Variants in XKR6 observed in about 807,000 individuals in gnomAD.
XKR6 encodes the protein XK related 6, also known as XK-related protein 6.
XKR6 carries 22 observed loss-of-function variants against 56.7 expected under a neutral mutation model. That is an observed-to-expected ratio of 0.39 (90% CI 0.28 to 0.55). XKR6 has a LOEUF of 0.55. Ranked by LOEUF, XKR6 falls within the 20% of genes least tolerant of loss-of-function variation. The probability of loss-of-function intolerance (pLI) is 0.66; values close to 1 mark genes in which losing one functional copy is unlikely to be tolerated. For synonymous variants in XKR6, 524 were observed against 387.8 expected (o/e 1.35, Z -4.13); for missense variants, 852 against 889.0 (o/e 0.96, Z 0.53).
At chr8:11,131,911 C>T (rs1800122042) in intron 1 of XKR6, among the ~76,000 whole-genome samples, 1 of 152,126 alleles carries the variant, frequency 6.6e-6, no homozygotes, top group African/African-American at 2.4e-5. Context: ...TTGTGTATGT[C>T]AGTCCATGAT....
intron 1 of XKR6, among the ~76,000 whole-genome samples, chr8:11,162,630 A>C (rs186314657): frequency 6.6e-6 from 1 of 152,364 alleles, no homozygotes; most frequent in East Asian, 1.9e-4. Flanking sequence ...ACAAAGGAGA[A>C]ACTTCACTAG....
intron 1 of XKR6, among the ~76,000 whole-genome samples, chr8:11,070,127 G>A (rs1033258513): frequency 2.2e-4 from 34 of 152,322 alleles, no homozygotes; most frequent in Middle Eastern, 3.4e-3. Context: ...AGATGTGTGA[G>A]AAATACAAAG....
intron 1 of XKR6, among the ~76,000 whole-genome samples, chr8:11,055,547 C>T (rs1037871864): frequency 3.3e-5 from 5 of 152,178 alleles, no homozygotes; most frequent in African/African-American, 1.2e-4. Flanking sequence ...CATGGGGTTC[C>T]GCCCGCCCCG....
chr8:11,114,726 T>C (rs1001568719), intron 1 of XKR6, among the ~76,000 whole-genome samples: 13 of 73,876 alleles, frequency 1.8e-4, no homozygotes, highest in Non-Finnish European at 2.1e-4. Flanking sequence ...TTAGATCACA[T>C]ATGTGTGTGT....
intron 1 of XKR6, among the ~76,000 whole-genome samples, chr8:11,019,145 G>C (rs866523842): frequency 1.3e-5 from 2 of 152,300 alleles, no homozygotes; most frequent in South Asian, 4.1e-4. Context: ...CCATGGCCTG[G>C]GGCCCGTAAA....
At chr8:11,102,742 G>A (rs961826691) in intron 1 of XKR6, among the ~76,000 whole-genome samples, 11 of 152,134 alleles carry the variant, frequency 7.2e-5, no homozygotes, top group African/African-American at 2.4e-4. Context: ...AGCTGACATG[G>A]GAAGAGTTAA....
intron 1 of XKR6, among the ~76,000 whole-genome samples, chr8:10,931,853 T>A (rs1177395358): frequency 6.6e-6 from 1 of 151,756 alleles, no homozygotes; most frequent in African/African-American, 2.4e-5. Context: ...ATAAACTTTA[T>A]CAAAATTAAA....
chr8:11,099,658 C>A (rs371415971), intron 1 of XKR6, among the ~76,000 whole-genome samples: 3 of 152,244 alleles, frequency 2.0e-5, no homozygotes, highest in African/African-American at 7.2e-5. Context: ...TTCACTCGCT[C>A]AAATATTATA....
chr8:11,002,411 G>C (rs1256171503), intron 1 of XKR6: 7 of 399,768 alleles, frequency 1.8e-5, no homozygotes, highest in Non-Finnish European at 3.2e-5. Flanking sequence ...TGGCCTGGGG[G>C]AGGCCCGCGT....
chr8:11,004,510 C>G (rs1301229713), intron 1 of XKR6, among the ~76,000 whole-genome samples: 1 of 151,784 alleles, frequency 6.6e-6, no homozygotes, highest in Admixed American at 6.6e-5. Context: ...AAATAAAGCT[C>G]CGGTGGGACA....
chr8:11,001,621 C>T (rs192347272), intron 1 of XKR6, among the ~76,000 whole-genome samples: 111 of 152,334 alleles, frequency 7.3e-4, no homozygotes, highest in African/African-American at 2.3e-3. Context: ...CAAGAGTCAG[C>T]AGGGCCCCCC....
intron 1 of XKR6, among the ~76,000 whole-genome samples, chr8:11,188,485 C>T (rs542965238): frequency 1.3e-5 from 2 of 152,276 alleles, no homozygotes; most frequent in South Asian, 2.1e-4. Context: ...AGTTTCTCTT[C>T]CCTTCCAACC....
intron 1 of XKR6, among the ~76,000 whole-genome samples, chr8:10,992,455 C>A (rs1798015644): frequency 6.6e-6 from 1 of 152,194 alleles, no homozygotes; most frequent in African/African-American, 2.4e-5. Context: ...AGATGTGCTT[C>A]TTTCATCAGC....
chr8:10,970,685 T>C (rs1298424168), intron 1 of XKR6, among the ~76,000 whole-genome samples: 1 of 152,100 alleles, frequency 6.6e-6, no homozygotes, highest in Non-Finnish European at 1.5e-5. Flanking sequence ...TTATTGGGCC[T>C]CAGTTTTGTC....
At position 11,179,026 on chromosome 8, in the gene XKR6, T is replaced by C. The variant is rs552900653; in HGVS notation, c.764+21550A>G. On this transcript the variant is annotated intron_variant, in intron 1 of 2. Transcript: ENST00000416569. ...CCTGGCTAATTTTCTTTTTCTTTTTTTTTTTTTTTTTTTGGAGAGCTAGGG... is the reference window on the plus strand; with the variant it reads ...CCTGGCTAATTTTCTTTTTCTTTTTCTTTTTTTTTTTTTGGAGAGCTAGGG... Among the ~76,000 whole-genome samples, 5 of 146,262 alleles carry C rather than the reference T, an allele frequency of 3.4e-5. No individual in the cohort carries two copies. In the East Asian group the frequency reaches 7.9e-4, roughly 23 times the overall value.
In XKR6 at chr8:11,089,735, C is replaced by T. The variant is rs540364962; in HGVS notation, c.764+110841G>A. On this transcript the variant is annotated intron_variant, in intron 1 of 2. Coordinates refer to ENST00000416569, the MANE Select transcript of XKR6 (RefSeq NM_173683.4). ...CCCACTCAGCTTTGACAAAATTTAG[C>T]GTTTTGCATAGTTCTACTTTCAAGA... Among the ~76,000 whole-genome samples the T allele has an allele frequency of 7.9e-5, 12 of 152,268 alleles. No homozygotes were observed. In the East Asian group the frequency reaches 2.1e-3, roughly 27 times the overall value.
At chr8:11,064,019 G>T (rs999103677) in intron 1 of XKR6, among the ~76,000 whole-genome samples, 3 of 152,172 alleles carry the variant, frequency 2.0e-5, no homozygotes, top group African/African-American at 2.4e-5. Context: ...ACCTTCCGAA[G>T]TTCTCTTCTA....
At chr8:11,108,627 T>G (rs1798770417) in intron 1 of XKR6, 1 of 300,794 alleles carries the variant, frequency 3.3e-6, no homozygotes, top group African/African-American at 2.2e-5. Flanking sequence ...TTCCGTCCAT[T>G]TCATTAGGAA....
At chr8:11,099,864 G>C (rs1461777621) in intron 1 of XKR6, among the ~76,000 whole-genome samples, 4 of 152,184 alleles carry the variant, frequency 2.6e-5, no homozygotes, top group Non-Finnish European at 4.4e-5. Context: ...AGGCTGGGCA[G>C]AGCCCTCTCT....
Sources: gnomAD v4.1 joint callset for allele counts (sites outside exome capture counted in the v4.1 genomes callset) on GRCh38, gnomAD v4.1.1 for gene constraint, MANE v1.5 for transcripts, NCBI Gene and HGNC (gene_info 2026-07-23, HGNC 2026-07-21) for gene names.